SASH1: variants seen among roughly 807,000 people sequenced by gnomAD.
SASH1 encodes the protein SAM and SH3 domain containing 1.
In SASH1, 44 loss-of-function variants were observed where a neutral mutation model predicts 125.2. The observed-to-expected ratio is 0.35, with a 90% CI of 0.28 to 0.45. The LOEUF (loss-of-function observed/expected upper bound fraction) is 0.45. Among genes scored for constraint, SASH1 ranks in the 20% least tolerant of loss-of-function variants. The probability of loss-of-function intolerance (pLI) is 1.00; values close to 1 mark genes in which losing one functional copy is unlikely to be tolerated. For synonymous variants in SASH1, 639 were observed against 649.1 expected (o/e 0.98, Z 0.24); for missense variants, 1,426 against 1,614.5 (o/e 0.88, Z 2.00).
At chr6:148,293,482 C>T (rs1166305724) in intron 1 of SASH1, among the ~76,000 whole-genome samples, 9 of 152,158 alleles carry the variant, frequency 5.9e-5, no homozygotes, top group Admixed American at 3.9e-4. Context: ...ACTGGATTGG[C>T]GCCACTTGCT....
At chr6:148,229,150 A>AC in the SASH1 span, among the ~76,000 whole-genome samples, 1 of 144,248 alleles carries the variant, frequency 6.9e-6, no homozygotes, top group African/African-American at 2.5e-5. Context: ...AAAAAAAAAA[A>AC]AAAAAAACAC....
At chr6:148,412,377 T>C (rs1020135873) in intron 2 of SASH1, among the ~76,000 whole-genome samples, 1 of 152,224 alleles carries the variant, frequency 6.6e-6, no homozygotes, top group African/African-American at 2.4e-5. Flanking sequence ...TAATAAATTA[T>C]AGTTACACCT....
chr6:148,332,661 G>A (rs889358045), intron 1 of SASH1, among the ~76,000 whole-genome samples: 1 of 151,900 alleles, frequency 6.6e-6, no homozygotes, highest in African/African-American at 2.4e-5. Context: ...TTGTCTCATG[G>A]TAAGTTAGTT....
At position 148,543,850 on chromosome 6, in the gene SASH1, G is replaced by T. The variant is rs1165740585; in HGVS notation, c.2380G>T (p.Asp794Tyr). ...CAGGCTGGGTGGTGGCCTTGCCCCA[G>T]ACACGTCCAAGAGCTGTGACCCACC... ...EGRLGGGLAP[D>Y]TSKSCDPPGV... Residue 794 changes from aspartate (D) to tyrosine (Y), a missense_variant, in exon 18 of 20, where the codon GAC becomes TAC. By Grantham distance (160) the Asp-to-Tyr change is radical (BLOSUM62 -3). Around this residue, in one of 3 missense-constraint regions of SASH1, gnomAD observed 634 missense variants for 694.4 expected, o/e 0.91. Transcript: ENST00000367467. 1 of 1,614,044 alleles carries T rather than the reference G, an allele frequency of 6.2e-7. No homozygotes were observed. The highest frequency in any genetic ancestry group is 1.3e-5 in the African/African-American group (1 of 74,924).
At chr6:148,375,488 C>T (rs1005523733) in intron 1 of SASH1, among the ~76,000 whole-genome samples, 9 of 151,822 alleles carry the variant, frequency 5.9e-5, no homozygotes, top group African/African-American at 1.9e-4. Context: ...TTTAAATCTA[C>T]GAATAAGAAC....
intron 1 of SASH1, among the ~76,000 whole-genome samples, chr6:148,382,552 A>G (rs1014215529): frequency 1.3e-5 from 2 of 152,090 alleles, no homozygotes; most frequent in African/African-American, 4.8e-5. Flanking sequence ...GGCCTTCCAA[A>G]GTGCTGGGAT....
intron 7 of SASH1, among the ~76,000 whole-genome samples, chr6:148,482,095 T>C (rs986822057): frequency 6.6e-6 from 1 of 152,190 alleles, no homozygotes; most frequent in Non-Finnish European, 1.5e-5. Context: ...AGGTTATTCA[T>C]TTATGTGAGT....
intron 1 of SASH1, among the ~76,000 whole-genome samples, chr6:148,306,226 C>T (rs904788694): frequency 6.6e-6 from 1 of 152,142 alleles, no homozygotes; most frequent in African/African-American, 2.4e-5. Flanking sequence ...TCTTTCCACT[C>T]GCTTGTTCTC....
At chr6:148,542,316 T>G (rs1281483979) in intron 17 of SASH1, among the ~76,000 whole-genome samples, 1 of 152,234 alleles carries the variant, frequency 6.6e-6, no homozygotes, top group Non-Finnish European at 1.5e-5. Flanking sequence ...AATTTTCTAT[T>G]TCAACCCACT....
intron 9 of SASH1, among the ~76,000 whole-genome samples, chr6:148,517,593 C>G (rs1780515402): frequency 6.6e-6 from 1 of 152,186 alleles, no homozygotes; most frequent in Non-Finnish European, 1.5e-5. Flanking sequence ...CGGAAAAGCC[C>G]GCACTACAGG....
intron 1 of SASH1, among the ~76,000 whole-genome samples, chr6:148,369,969 A>AC (rs1782645013): frequency 2.1e-5 from 3 of 145,476 alleles, no homozygotes; most frequent in Non-Finnish European, 3.0e-5. Context: ...AGAAAAACAA[A>AC]AAAAAAAAAA....
chr6:148,525,426 C>T, intron 11 of SASH1, 61 bp downstream of exon 11: 1 of 1,274,404 alleles, frequency 7.8e-7, no homozygotes, highest in South Asian at 1.2e-5. Flanking sequence ...GACAATAGTT[C>T]ACCATTGAGT....
chr6:148,518,043 T>C (rs766960414), intron 9 of SASH1, among the ~76,000 whole-genome samples: 2 of 152,202 alleles, frequency 1.3e-5, no homozygotes, highest in African/African-American at 2.4e-5. Context: ...TCGCTTCTTC[T>C]TGGAAGTGGA....
At chr6:148,481,287 G>A (rs1778606506) in intron 7 of SASH1, among the ~76,000 whole-genome samples, 3 of 152,154 alleles carry the variant, frequency 2.0e-5, no homozygotes. Flanking sequence ...TGTTGTGGCT[G>A]TTCTGATCTT....
At chr6:148,355,508 A>G (rs17706862) in intron 1 of SASH1, among the ~76,000 whole-genome samples, 4,996 of 152,350 alleles carry the variant, frequency 0.033, 135 homozygotes, top group South Asian at 0.086. Flanking sequence ...CTTTAGCATT[A>G]TCAAAGAACT....
intron 4 of SASH1, among the ~76,000 whole-genome samples, chr6:148,454,378 C>A (rs948397069): frequency 2.6e-5 from 4 of 152,220 alleles, no homozygotes; most frequent in African/African-American, 9.6e-5. Flanking sequence ...CATGTAAAAT[C>A]TCTCTTGTGG....
chr6:148,393,189 G>C lies in SASH1; in HGVS notation c.285+2927G>C, dbSNP rs1312138041. ...AGCCTCCCGAGTAGCTGGGATTACA[G>C]GTGCCCACCACCATGCCCGGCTAAT... On this transcript the variant is annotated intron_variant, in intron 2 of 19. Coordinates refer to ENST00000367467, the MANE Select transcript of SASH1 (RefSeq NM_015278.5). Among the ~76,000 whole-genome samples, 8 of 150,338 alleles carry C rather than the reference G, an allele frequency of 5.3e-5. No individual in the cohort carries two copies. The East Asian group carries it at 1.4e-3, about 26-fold the overall frequency.
chr6:148,491,254 A>G (rs998674401), intron 8 of SASH1, among the ~76,000 whole-genome samples: 1 of 152,162 alleles, frequency 6.6e-6, no homozygotes, highest in African/African-American at 2.4e-5. Flanking sequence ...AGAGCATTGT[A>G]TTTGAACATT....
At chr6:148,227,729 G>A in the SASH1 span, among the ~76,000 whole-genome samples, 1 of 152,126 alleles carries the variant, frequency 6.6e-6, no homozygotes, top group South Asian at 2.1e-4. Context: ...CAATCACAGT[G>A]TATGTTTTTA....
Sources: allele counts gnomAD v4.1 joint callset (sites outside exome capture counted in the v4.1 genomes callset), GRCh38; gene constraint gnomAD v4.1.1; regional missense constraint gnomAD v4.1.1; transcripts MANE v1.5; gene names NCBI Gene and HGNC (gene_info 2026-07-23, HGNC 2026-07-21).